COL4A1: variants seen among roughly 807,000 people sequenced by gnomAD.
COL4A1 encodes the protein collagen type IV alpha 1 chain.
A neutral mutation model predicts 216.6 loss-of-function variants in COL4A1; 40 were observed. The observed-to-expected ratio is 0.18, with a 90% CI of 0.14 to 0.24. The LOEUF is 0.24. COL4A1 is among the 10% of genes least tolerant of loss of function. The pLI, the probability that COL4A1 is intolerant of heterozygous loss-of-function variation, is 1.00. For synonymous variants in COL4A1, 839 were observed against 810.7 expected (o/e 1.03, Z -0.59); for missense variants, 1,628 against 2,196.8 (o/e 0.74, Z 5.18).
intron 1 of COL4A1, among the ~76,000 whole-genome samples, chr13:110,271,923 T>C (rs1274970031): frequency 6.6e-6 from 1 of 152,244 alleles, no homozygotes. Flanking sequence ...AGAATTTTAT[T>C]AACTACTTGA....
intron 46 of COL4A1, among the ~76,000 whole-genome samples, chr13:110,163,932 GT>G (rs564415668): frequency 5.5e-5 from 8 of 146,704 alleles, no homozygotes; most frequent in Non-Finnish European, 1.1e-4. Context: ...AACATGGATA[GT>G]TTTTTTGTTT....
chr13:110,259,044 GC>G (rs1240367696), intron 1 of COL4A1, among the ~76,000 whole-genome samples: 7 of 152,228 alleles, frequency 4.6e-5, no homozygotes, highest in Non-Finnish European at 1.5e-5. Context: ...ACACGGGGCC[GC>G]CCGGTCCCTG....
chr13:110,211,989 A>C lies in COL4A1; in HGVS notation c.388-67T>G. The C allele has an allele frequency of 7.0e-7, 1 of 1,434,206 alleles. No individual in the cohort carries two copies. Among genetic ancestry groups the C allele is most frequent in the Non-Finnish European group, 9.8e-7 (1 of 1,016,178 alleles). The allele number at this position is 1,434,206 out of a possible 1,614,324, so 88.8% of individuals were successfully genotyped here. ...GCAGACACATCAGCCCTGACATCGCATGCATCACTCTGCCCTACCCTTCAT... is the reference window on the plus strand; with the variant it reads ...GCAGACACATCAGCCCTGACATCGCCTGCATCACTCTGCCCTACCCTTCAT... On this transcript the variant is annotated intron_variant, in intron 6 of 51. Coordinates refer to ENST00000375820, the MANE Select transcript of COL4A1 (RefSeq NM_001845.6). This position sits in a 1 kb window ranked among gnomAD's most constrained non-coding sequence, Gnocchi z 4.3.
At chr13:110,164,559 C>T (rs1877244738) in intron 46 of COL4A1, among the ~76,000 whole-genome samples, 2 of 152,106 alleles carry the variant, frequency 1.3e-5, no homozygotes, top group Admixed American at 1.3e-4. Flanking sequence ...CCATCTGGAG[C>T]GGGAGGCAGG....
intron 2 of COL4A1, among the ~76,000 whole-genome samples, chr13:110,236,261 T>C (rs1349862641): frequency 6.6e-6 from 1 of 152,194 alleles, no homozygotes; most frequent in African/African-American, 2.4e-5. Context: ...AAATGGCACA[T>C]CTAATTCAAC....
At chr13:110,201,887 C>T (rs905201299) in intron 18 of COL4A1, among the ~76,000 whole-genome samples, 44 of 152,246 alleles carry the variant, frequency 2.9e-4, no homozygotes, top group African/African-American at 8.7e-4. Flanking sequence ...GAGGCTGAGA[C>T]GGGAGAATCG....
chr13:110,220,992 C>G (rs1236423667), intron 2 of COL4A1, among the ~76,000 whole-genome samples: 2 of 152,216 alleles, frequency 1.3e-5, no homozygotes, highest in Non-Finnish European at 2.9e-5. Context: ...TCAGCGAAAG[C>G]CTGCCTGCAG....
chr13:110,271,125 G>GAAT (rs1883230120), intron 1 of COL4A1, among the ~76,000 whole-genome samples: 1 of 152,170 alleles, frequency 6.6e-6, no homozygotes, highest in Non-Finnish European at 1.5e-5. Context: ...GTAAATAACT[G>GAAT]AATACATGTA....
intron 1 of COL4A1, among the ~76,000 whole-genome samples, chr13:110,249,306 T>A (rs1403956505): frequency 6.6e-6 from 1 of 151,966 alleles, no homozygotes; most frequent in African/African-American, 2.4e-5. Context: ...TGTGCACTTG[T>A]GATGTTTGCA....
chr13:110,152,322 G>C lies in COL4A1; in HGVS notation c.4928+12C>G. ...GGCCAGCAGCCTGCAAAAAAGCAGT[G>C]CTCCCACTTACTTGAACATCTCGCT... On this transcript the variant is annotated intron_variant, in intron 51 of 51. Coordinates refer to ENST00000375820, the MANE Select transcript of COL4A1 (RefSeq NM_001845.6). 6.2e-7 allele frequency: 1 copy of C among 1,613,962 alleles called. No individual in the cohort carries two copies. The highest frequency in any genetic ancestry group is 8.5e-7 in the Non-Finnish European group (1 of 1,179,998).
chr13:110,168,573 A>G (rs1486587643), intron 43 of COL4A1, among the ~76,000 whole-genome samples: 1 of 152,260 alleles, frequency 6.6e-6, no homozygotes, highest in Admixed American at 6.5e-5. Context: ...CTGATTCAGA[A>G]GTAAATCAGC....
chr13:110,226,776 A>C (rs1311915854), intron 2 of COL4A1, among the ~76,000 whole-genome samples: 1 of 152,234 alleles, frequency 6.6e-6, no homozygotes, highest in Non-Finnish European at 1.5e-5. Context: ...ATATACAGTC[A>C]CCCAAAGAAA....
In COL4A1 at chr13:110,268,670, C is replaced by A. The variant is rs1210114092; in HGVS notation, c.85-25936G>T. ...CTGCATGGCTTGCCAAGGGGCTCTA[C>A]CTCTCCAAACCCGGGTGCCTTGTCC... is the stretch of plus-strand genomic sequence containing the variant. On this transcript the variant is annotated intron_variant, in intron 1 of 51. Transcript: ENST00000375820. The surrounding 1 kb of genome is among the most constrained non-coding windows in gnomAD (Gnocchi z 4.1). 6.6e-6 allele frequency among the ~76,000 whole-genome samples: 1 copy of A among 152,200 alleles called. No homozygotes were observed. Among genetic ancestry groups the A allele is most frequent in the African/African-American group, 2.4e-5 (1 of 41,450 alleles).
chr13:110,293,240 G>C (rs1218371514), intron 1 of COL4A1, among the ~76,000 whole-genome samples: 1 of 152,194 alleles, frequency 6.6e-6, no homozygotes, highest in African/African-American at 2.4e-5. Flanking sequence ...GTGGCACCTA[G>C]AGAAGTGTTT....
intron 15 of COL4A1, among the ~76,000 whole-genome samples, chr13:110,205,880 T>C: frequency 6.6e-6 from 1 of 151,780 alleles, no homozygotes; most frequent in Admixed American, 6.6e-5. Context: ...TATATATGTA[T>C]ATATATATAA....
chr13:110,156,148 C>T (rs1285278153), intron 49 of COL4A1, among the ~76,000 whole-genome samples: 1 of 152,202 alleles, frequency 6.6e-6, no homozygotes, highest in Non-Finnish European at 1.5e-5. Flanking sequence ...AATAGGAAGG[C>T]AAAGCTCTAA....
At chr13:110,305,209 T>C (rs578207036) in intron 1 of COL4A1, among the ~76,000 whole-genome samples, 10 of 152,286 alleles carry the variant, frequency 6.6e-5, no homozygotes, top group Non-Finnish European at 1.2e-4. Context: ...ACAGGCTGCA[T>C]CTCTTAAAAA....
chr13:110,252,710 GTAT>G (rs1216806009), intron 1 of COL4A1, among the ~76,000 whole-genome samples: 4 of 38,544 alleles, frequency 1.0e-4, no homozygotes, highest in East Asian at 1.7e-3. Context: ...ATGTATATAT[GTAT>G]TATACATATA....
rs1181809461 is a variant in COL4A1, at chr13:110,200,908, T to C, written c.1085-19A>G. ...GGGAAACCTGAAAAGAGAAAGAGAGTGTTGGATCAAACAGAACAGTTCACC... is the reference window on the plus strand; with the variant it reads ...GGGAAACCTGAAAAGAGAAAGAGAGCGTTGGATCAAACAGAACAGTTCACC... On this transcript the variant is annotated intron_variant, in intron 19 of 51. Coordinates refer to ENST00000375820, the MANE Select transcript of COL4A1 (RefSeq NM_001845.6). The C allele has an allele frequency of 6.2e-7, 1 of 1,613,000 alleles. No individual in the cohort carries two copies. Among genetic ancestry groups the C allele is most frequent in the Non-Finnish European group, 8.5e-7 (1 of 1,179,546 alleles).
Sources: allele counts gnomAD v4.1 joint callset (sites outside exome capture counted in the v4.1 genomes callset), GRCh38; gene constraint gnomAD v4.1.1; non-coding constraint Gnocchi (gnomAD v3.1); transcripts MANE v1.5; gene names NCBI Gene and HGNC (gene_info 2026-07-23, HGNC 2026-07-21).